Variants in ZFYVE28 observed in about 807,000 individuals in gnomAD.
The protein encoded by ZFYVE28 is lateral signaling target protein 2 homolog.
ZFYVE28 carries 40 observed loss-of-function variants against 82.1 expected under a neutral mutation model. That is an observed-to-expected ratio of 0.49 (90% CI 0.38 to 0.63). The LOEUF (loss-of-function observed/expected upper bound fraction) is 0.63, where lower values mean the gene tolerates loss of function less well. Among genes scored for constraint, ZFYVE28 ranks in the 30% least tolerant of loss-of-function variants. The probability of loss-of-function intolerance (pLI) is 0.00; values close to 1 mark genes in which losing one functional copy is unlikely to be tolerated. For synonymous variants in ZFYVE28, 612 were observed against 546.1 expected (o/e 1.12, Z -1.68); for missense variants, 1,321 against 1,242.1 (o/e 1.06, Z -0.96).
intron 1 of ZFYVE28, among the ~76,000 whole-genome samples, chr4:2,376,861 G>T (rs1050257270): frequency 6.6e-6 from 1 of 152,062 alleles, no homozygotes; most frequent in African/African-American, 2.4e-5. Flanking sequence ...AGGAGGTTTA[G>T]GCTGCAGTGA....
At chr4:2,303,331 G>A (rs1715904434) in intron 8 of ZFYVE28, among the ~76,000 whole-genome samples, 1 of 151,996 alleles carries the variant, frequency 6.6e-6, no homozygotes, top group Admixed American at 6.6e-5. Context: ...CCTCTCCTGG[G>A]CCTGCCTGCC....
At chr4:2,295,823 T>C (rs13105288) in intron 8 of ZFYVE28, 104,758 of 152,238 alleles carry the variant, frequency 0.69, 36,732 homozygotes, top group African/African-American at 0.82. Flanking sequence ...CTAATTTCTT[T>C]CCAGCACTGG....
chr4:2,386,214 G>C (rs2354521), intron 1 of ZFYVE28, among the ~76,000 whole-genome samples: 94,984 of 151,964 alleles, frequency 0.63, 30,548 homozygotes, highest in East Asian at 0.73. Flanking sequence ...GCTGCACGCA[G>C]TGGCTCATGT....
rs1724886305 is a variant in ZFYVE28, at chr4:2,354,090, C to A, written c.40-17G>T. 2 of 1,509,932 alleles carry A rather than the reference C, an allele frequency of 1.3e-6. No individual in the cohort carries two copies. The highest frequency in any genetic ancestry group is 2.6e-5 in the South Asian group (2 of 75,812). The allele number at this position is 1,509,932 out of a possible 1,614,324, so 93.5% of individuals were successfully genotyped here. On this transcript the variant is annotated splice_polypyrimidine_tract_variant and intron_variant, in intron 1 of 12. Coordinates refer to ENST00000290974, the MANE Select transcript of ZFYVE28 (RefSeq NM_020972.3). ...ATCCGACCTCTGCAGGAGAGAGGGG[C>A]CAGGGCCATGAGTGGGTGGGGAACT...
Position 2,320,131 on chromosome 4 carries a change from CCCCCT to C in ZFYVE28, c.803+34_803+38del. On this transcript the variant is annotated intron_variant, in intron 7 of 12. Transcript: ENST00000290974. The surrounding 1 kb of genome is among the most constrained non-coding windows in gnomAD (Gnocchi z 5.1). ...CAGCGCCCACCTGTGGCCCTCCTGT[CCCCCT>C]CCCCTCCCCCACCTCCTCTAGCTCC... 3.2e-6 allele frequency: 5 copies of C among 1,551,256 alleles called. No homozygotes were observed. The highest frequency in any genetic ancestry group is 4.4e-6 in the Non-Finnish European group (5 of 1,125,666).
chr4:2,325,702 A>G (rs1016871106), intron 6 of ZFYVE28, among the ~76,000 whole-genome samples: 1 of 151,300 alleles, frequency 6.6e-6, no homozygotes, highest in African/African-American at 2.4e-5. Flanking sequence ...CCTGGGCTCA[A>G]CTAATCCTCT....
chr4:2,365,386 A>G (rs868030205), intron 1 of ZFYVE28, among the ~76,000 whole-genome samples: 1 of 151,984 alleles, frequency 6.6e-6, no homozygotes, highest in Non-Finnish European at 1.5e-5. Flanking sequence ...AACTACCTGC[A>G]CGCAGCAGGG....
chr4:2,329,213 T>C (rs1433689470), intron 6 of ZFYVE28: 8 of 622,386 alleles, frequency 1.3e-5, no homozygotes, highest in Middle Eastern at 2.5e-4. Flanking sequence ...TTATGGAGTA[T>C]TGCCATTCTA....
chr4:2,377,528 C>T (rs748762027), intron 1 of ZFYVE28, among the ~76,000 whole-genome samples: 11 of 152,120 alleles, frequency 7.2e-5, no homozygotes, highest in Non-Finnish European at 1.3e-4. Flanking sequence ...AAAATGTTTG[C>T]CTGAAAAATG....
At chr4:2,350,260 C>T (rs888017998) in intron 2 of ZFYVE28, among the ~76,000 whole-genome samples, 5 of 151,882 alleles carry the variant, frequency 3.3e-5, no homozygotes, top group African/African-American at 1.2e-4. Flanking sequence ...GTCAGGAGAT[C>T]GAGACCATCC....
At chr4:2,307,193 G>C (rs1449368909) in intron 7 of ZFYVE28, 2 of 152,216 alleles carry the variant, frequency 1.3e-5, no homozygotes, top group Non-Finnish European at 2.9e-5. Flanking sequence ...TCAGCCCTTA[G>C]ATTTTCTCTA....
intron 2 of ZFYVE28, among the ~76,000 whole-genome samples, chr4:2,352,937 C>T (rs1023085402): frequency 6.6e-6 from 1 of 152,214 alleles, no homozygotes; most frequent in Non-Finnish European, 1.5e-5. Flanking sequence ...GCACTTTCCT[C>T]CTCCAGGCTC....
chr4:2,330,558 C>A (rs960018532), intron 6 of ZFYVE28: 2 of 1,171,478 alleles, frequency 1.7e-6, no homozygotes, highest in South Asian at 2.0e-5. Context: ...GAGGGGACAG[C>A]ATGGAGAATG....
chr4:2,273,279 G>T lies in ZFYVE28; in HGVS notation c.2217C>A (p.Asp739Glu). The T allele has an allele frequency of 6.2e-7, 1 of 1,612,026 alleles. No homozygotes were observed. ...CACTGGCATAGTTCGTCTGCAGCTG[G>T]TCAGCCACACCTGAGGAAGGAAGGC... ...RLFVCISGVA[D>E]QLQTNYASDL... is the part of the protein sequence containing the mutation. Residue 739 changes from aspartate to glutamate, a missense_variant, in exon 10 of 13, where the codon GAC (aspartate) becomes GAA (glutamate). This residue lies in a region of ZFYVE28 where 978 missense variants were observed against 833.7 expected (regional missense o/e 1.17). Coordinates refer to ENST00000290974, the MANE Select transcript of ZFYVE28 (RefSeq NM_020972.3).
rs112628076 is a variant in ZFYVE28, at chr4:2,360,250, G to A, written c.40-6177C>T. ...ACCCCGCCCCACACCATGCCATGAC[G>A]GGCACCACAGTCACACTGCTGACTT... is the stretch of plus-strand genomic sequence containing the variant. On this transcript the variant is annotated intron_variant, in intron 1 of 12. Coordinates refer to ENST00000290974, the MANE Select transcript of ZFYVE28 (RefSeq NM_020972.3). 7.2e-3 allele frequency among the ~76,000 whole-genome samples: 1,083 copies of A among 151,458 alleles called. 13 individuals carry two copies. Among genetic ancestry groups the A allele is most frequent in the African/African-American group, 0.025 (1,025 of 41,298 alleles).
intron 2 of ZFYVE28, among the ~76,000 whole-genome samples, chr4:2,352,962 C>T (rs1026951942): frequency 2.0e-5 from 3 of 152,222 alleles, no homozygotes; most frequent in Non-Finnish European, 4.4e-5. Flanking sequence ...GCCCCCAGCA[C>T]CTGTCCCCTG....
At chr4:2,324,417 A>C (rs1331594245) in intron 6 of ZFYVE28, 1 of 155,024 alleles carries the variant, frequency 6.5e-6, no homozygotes, top group Non-Finnish European at 1.4e-5. Context: ...CACATCGTAC[A>C]GCGGATGCTA....
intron 7 of ZFYVE28, among the ~76,000 whole-genome samples, chr4:2,308,476 G>T (rs758984741): frequency 9.0e-6 from 1 of 111,584 alleles, no homozygotes; most frequent in Non-Finnish European, 1.6e-5. Flanking sequence ...TTTAGTATTA[G>T]TTTATCAATT....
At chr4:2,297,414 C>A (rs1215033269) in intron 8 of ZFYVE28, among the ~76,000 whole-genome samples, 1 of 152,186 alleles carries the variant, frequency 6.6e-6, no homozygotes, top group Admixed American at 6.5e-5. Flanking sequence ...TGGAATGACC[C>A]CAGGCCACAC....
Sources: allele counts gnomAD v4.1 joint callset (sites outside exome capture counted in the v4.1 genomes callset), GRCh38; gene constraint gnomAD v4.1.1; regional missense constraint gnomAD v4.1.1; non-coding constraint Gnocchi (gnomAD v3.1); transcripts MANE v1.5; gene names NCBI Gene and HGNC (gene_info 2026-07-23, HGNC 2026-07-21).